Variants in CCNY observed in about 807,000 individuals in gnomAD.
CCNY encodes cyclin-Y.
Under a neutral mutation model 42.8 loss-of-function variants are expected in CCNY, and 19 were observed. The ratio of observed to expected loss-of-function variants is 0.44; its 90% confidence interval spans 0.31 to 0.65. The LOEUF (loss-of-function observed/expected upper bound fraction) is 0.65. CCNY is among the 30% of genes least tolerant of loss of function. The pLI, the probability that CCNY is intolerant of heterozygous loss-of-function variation, is 0.07. For missense variants in CCNY, 370 were observed against 437.3 expected (o/e 0.85, Z 1.37); for synonymous variants, 165 against 162.7 (o/e 1.01, Z -0.11).
intron 8 of CCNY, among the ~76,000 whole-genome samples, chr10:35,556,477 T>A (rs1242397016): frequency 6.6e-6 from 1 of 152,224 alleles, no homozygotes; most frequent in Non-Finnish European, 1.5e-5. Flanking sequence ...CTGTGATCCA[T>A]CTATAATATA....
chr10:35,290,660 A>C (rs1835403522), intron 3 of CCNY, among the ~76,000 whole-genome samples: 1 of 152,076 alleles, frequency 6.6e-6, no homozygotes, highest in African/African-American at 2.4e-5. Context: ...ATCACATACA[A>C]TTTTACATTA....
At position 35,504,547 on chromosome 10, in the gene CCNY, G is replaced by T. The variant is rs1377552464; in HGVS notation, c.264+3012G>T. Among the ~76,000 whole-genome samples the T allele has an allele frequency of 2.6e-5, 4 of 152,200 alleles. No individual in the cohort carries two copies. The South Asian group carries it at 6.2e-4, about 24-fold the overall frequency. On this transcript the variant is annotated intron_variant, in intron 3 of 9. Transcript: ENST00000374704. ...GATGTTTTGACAGCAGGTTCAATCA[G>T]GGTGAATTATAAAGGTTAATATTTT...
intron 2 of CCNY, among the ~76,000 whole-genome samples, chr10:35,487,816 A>G (rs1839817664): frequency 6.6e-6 from 1 of 152,182 alleles, no homozygotes; most frequent in Non-Finnish European, 1.5e-5. Context: ...AGAAGGGACC[A>G]AGAGTTCCTC....
At chr10:35,502,130 A>G (rs1224692645) in intron 3 of CCNY, among the ~76,000 whole-genome samples, 1 of 152,120 alleles carries the variant, frequency 6.6e-6, no homozygotes, top group Non-Finnish European at 1.5e-5. Flanking sequence ...CCCCATTGAG[A>G]TACTTCATCC....
chr10:35,281,701 A>C (rs989477464), intron 3 of CCNY, among the ~76,000 whole-genome samples: 4 of 152,202 alleles, frequency 2.6e-5, no homozygotes, highest in Non-Finnish European at 5.9e-5. Flanking sequence ...TAAATGAATG[A>C]AATGTGATAT....
At chr10:35,367,094 G>C (rs1836825467) in intron 1 of CCNY, among the ~76,000 whole-genome samples, 1 of 152,142 alleles carries the variant, frequency 6.6e-6, no homozygotes, top group African/African-American at 2.4e-5. Flanking sequence ...CTGATTCCTT[G>C]CTTTTGGGTT....
chr10:35,343,542 A>G (rs1415459614), intron 1 of CCNY, among the ~76,000 whole-genome samples: 1 of 151,536 alleles, frequency 6.6e-6, no homozygotes, highest in Non-Finnish European at 1.5e-5. Flanking sequence ...GGCACGTGCC[A>G]CCACGTCCGG....
At chr10:35,480,839 G>A (rs1196927766) in intron 1 of CCNY, among the ~76,000 whole-genome samples, 1 of 152,028 alleles carries the variant, frequency 6.6e-6, no homozygotes, top group East Asian at 1.9e-4. Context: ...TGTGGTACAT[G>A]CCTGTAGTCT....
chr10:35,465,035 G>A (rs2135335421), intron 1 of CCNY, among the ~76,000 whole-genome samples: 1 of 152,308 alleles, frequency 6.6e-6, no homozygotes, highest in African/African-American at 2.4e-5. Flanking sequence ...GGAGAGGCTG[G>A]TTGCTAGGAG....
chr10:35,318,383 G>C (rs1459268812), intron 3 of CCNY, among the ~76,000 whole-genome samples: 1 of 152,154 alleles, frequency 6.6e-6, no homozygotes. Flanking sequence ...ACTGAGTAGC[G>C]AATTTTAATT....
intron 3 of CCNY, among the ~76,000 whole-genome samples, chr10:35,294,782 C>A (rs1835451160): frequency 6.6e-6 from 1 of 152,066 alleles, no homozygotes; most frequent in African/African-American, 2.4e-5. Context: ...GCATTTTATA[C>A]CCTTTTATTT....
At chr10:35,540,541 C>G (rs559549418) in intron 7 of CCNY, among the ~76,000 whole-genome samples, 1 of 151,366 alleles carries the variant, frequency 6.6e-6, no homozygotes, top group South Asian at 2.1e-4. Context: ...CCTCATAGAA[C>G]AAATTGAGAA....
intron 1 of CCNY, among the ~76,000 whole-genome samples, chr10:35,358,215 CTT>C (rs34172111): frequency 1.9e-3 from 263 of 135,476 alleles, no homozygotes; most frequent in Middle Eastern, 3.9e-3. Flanking sequence ...TTAAGCAAGT[CTT>C]TTTTTTTTTT....
chr10:35,412,193 G>A (rs932922868), intron 1 of CCNY, among the ~76,000 whole-genome samples: 15 of 152,344 alleles, frequency 9.8e-5, no homozygotes, highest in African/African-American at 3.4e-4. Flanking sequence ...CTGTGACTAG[G>A]GGGCAGAGGG....
chr10:35,569,092 A>G lies in CCNY; in HGVS notation c.948A>G (p.Leu316=). The G allele has an allele frequency of 6.2e-7, 1 of 1,613,194 alleles. No individual in the cohort carries two copies. The highest frequency in any genetic ancestry group is 1.1e-5 in the South Asian group (1 of 91,080). ...TCTGCGAGGACAAGTACAAGGACCT[A>G]AGAAGATCCGCGAGGAAGCGCTCAG... ...SRLCEDKYKD[L]RRSARKRSAS... is the part of the protein sequence containing the mutation. Residue 316 remains leucine (L), a synonymous_variant, in exon 10 of 10, where the codon CTA becomes CTG. Transcript: ENST00000374704.
chr10:35,342,774 C>T (rs1206896651), intron 1 of CCNY, among the ~76,000 whole-genome samples: 3 of 152,100 alleles, frequency 2.0e-5, no homozygotes, highest in Non-Finnish European at 2.9e-5. Flanking sequence ...AAGGCATTTG[C>T]GGAAGGTTCC....
In CCNY at chr10:35,444,780, G is replaced by A. The variant is rs144861946; in HGVS notation, c.155-38624G>A. 4.2e-3 allele frequency among the ~76,000 whole-genome samples: 641 copies of A among 152,322 alleles called. 2 individuals carry two copies. Among genetic ancestry groups the A allele is most frequent in the African/African-American group, 0.014 (592 of 41,556 alleles). ...GCAAATGAAATTAGATTTGTATTTT[G>A]AAAAGGTAATCCTAAGAAAGCAACG... On this transcript the variant is annotated intron_variant, in intron 1 of 9. Coordinates refer to ENST00000374704, the MANE Select transcript of CCNY (RefSeq NM_145012.6).
At position 35,530,076 on chromosome 10, in the gene CCNY, T is replaced by C; in HGVS notation, c.459+46T>C. 1 of 1,614,160 alleles carries C rather than the reference T, an allele frequency of 6.2e-7. No individual in the cohort carries two copies. Among genetic ancestry groups the C allele is most frequent in the Non-Finnish European group, 8.5e-7 (1 of 1,179,992 alleles). On this transcript the variant is annotated intron_variant, in intron 6 of 9. Coordinates refer to ENST00000374704, the MANE Select transcript of CCNY (RefSeq NM_145012.6). The surrounding 1 kb of genome is among the most constrained non-coding windows in gnomAD (Gnocchi z 4.3). ...CATGAGATGATTTAATTATTTCTCTTTTGCTCCAATCGGGAGATCAGTCAT... is the reference window on the plus strand; with the variant it reads ...CATGAGATGATTTAATTATTTCTCTCTTGCTCCAATCGGGAGATCAGTCAT...
At chr10:35,420,515 G>T (rs937569038) in intron 1 of CCNY, among the ~76,000 whole-genome samples, 2 of 152,168 alleles carry the variant, frequency 1.3e-5, no homozygotes, top group East Asian at 3.8e-4. Flanking sequence ...CATATCTTCA[G>T]TTTGAGATGA....
Sources: allele counts gnomAD v4.1 joint callset (sites outside exome capture counted in the v4.1 genomes callset), GRCh38; gene constraint gnomAD v4.1.1; non-coding constraint Gnocchi (gnomAD v3.1); transcripts MANE v1.5; gene names NCBI Gene and HGNC (gene_info 2026-07-23, HGNC 2026-07-21).